The following PPIL6 variants were observed in gnomAD, a reference collection of about 807,000 sequenced individuals.
The protein encoded by PPIL6 is peptidylprolyl isomerase like 6.
Under a neutral mutation model 36.8 loss-of-function variants are expected in PPIL6, and 39 were observed. The observed-to-expected ratio is 1.06, with a 90% CI of 0.82 to 1.38. PPIL6 has a LOEUF of 1.38. PPIL6 is among the 40% of genes most tolerant of loss of function. The pLI, the probability that PPIL6 is intolerant of heterozygous loss-of-function variation, is 0.00. For synonymous variants in PPIL6, 123 were observed against 134.1 expected, an observed-to-expected ratio of 0.92 and a Z score of 0.57; for missense variants, 368 against 379.1, an observed-to-expected ratio of 0.97 and a Z score of 0.24.
At chr6:109,421,797 G>C (rs1050086741) in intron 5 of PPIL6, among the ~76,000 whole-genome samples, 13 of 152,108 alleles carry the variant, frequency 8.5e-5, no homozygotes, top group Admixed American at 8.5e-4. Flanking sequence ...CCAGCACTTT[G>C]GGAGGCCGAG....
At chr6:109,422,520 G>T (rs1356210194) in intron 5 of PPIL6, among the ~76,000 whole-genome samples, 1 of 152,078 alleles carries the variant, frequency 6.6e-6, no homozygotes, top group African/African-American at 2.4e-5. Flanking sequence ...AGTCCAGGAG[G>T]TTGAGGCTGC....
chr6:109,421,945 C>T (rs745926087), intron 5 of PPIL6, among the ~76,000 whole-genome samples: 10 of 152,116 alleles, frequency 6.6e-5, no homozygotes, highest in Non-Finnish European at 1.0e-4. Context: ...GGCATCATCT[C>T]GGCTCACTGC....
chr6:109,432,467 C>A, intron 2 of PPIL6, among the ~76,000 whole-genome samples: 1 of 152,084 alleles, frequency 6.6e-6, no homozygotes, highest in Non-Finnish European at 1.5e-5. Context: ...CCAGGCAAAC[C>A]ATGAATAATT....
intron 2 of PPIL6, 145 bp from the exon 3 acceptor site, chr6:109,431,490 T>A (rs1283983159): frequency 4.1e-6 from 2 of 487,642 alleles, no homozygotes; most frequent in Non-Finnish European, 6.8e-6. Flanking sequence ...GTTTTTATCG[T>A]CCTTCAGAAT....
intron 5 of PPIL6, among the ~76,000 whole-genome samples, chr6:109,421,625 G>T (rs1454953896): frequency 6.6e-6 from 1 of 152,170 alleles, no homozygotes; most frequent in Non-Finnish European, 1.5e-5. Flanking sequence ...TATCTCAAAA[G>T]ATCCTTCTGA....
chr6:109,429,942 C>A (rs1774041626), intron 3 of PPIL6, among the ~76,000 whole-genome samples: 1 of 152,236 alleles, frequency 6.6e-6, no homozygotes, highest in Non-Finnish European at 1.5e-5. Context: ...TCTTTCCCCA[C>A]AAATTCTGGC....
intron 1 of PPIL6, among the ~76,000 whole-genome samples, chr6:109,437,053 G>A (rs942353802): frequency 3.3e-5 from 5 of 152,208 alleles, no homozygotes; most frequent in African/African-American, 9.6e-5. Context: ...AGAGAAGTAC[G>A]AAATCAGTTT....
At chr6:109,435,206 CA>C (rs764424176) in intron 2 of PPIL6, among the ~76,000 whole-genome samples, 48 of 151,994 alleles carry the variant, frequency 3.2e-4, no homozygotes, top group Non-Finnish European at 1.6e-4. Flanking sequence ...TGCAGGGAGA[CA>C]GGGTAACTAA....
At chr6:109,430,619 G>A (rs547588962) in intron 3 of PPIL6, among the ~76,000 whole-genome samples, 10 of 152,238 alleles carry the variant, frequency 6.6e-5, no homozygotes, top group East Asian at 1.9e-4. Flanking sequence ...TAGAGATGAC[G>A]TTTCACCGTG....
chr6:109,409,226 C>T (rs1049905757), intron 6 of PPIL6, among the ~76,000 whole-genome samples: 1 of 152,118 alleles, frequency 6.6e-6, no homozygotes, highest in Non-Finnish European at 1.5e-5. Context: ...GTAGCTAGAG[C>T]AACCAGACAA....
Position 109,397,419 on chromosome 6 carries a change from A to G in PPIL6, c.824+2616T>C, listed in dbSNP as rs548574964. On this transcript the variant is annotated intron_variant, in intron 7 of 7. Coordinates refer to ENST00000521072, the MANE Select transcript of PPIL6 (RefSeq NM_173672.5). ...AGGGTGTTTTCTTACCCATCTCCCA[A>G]TGCACCCTGTACACAGTTTGCATGG... Among the ~76,000 whole-genome samples, 5 of 152,216 alleles carry G rather than the reference A, an allele frequency of 3.3e-5. No homozygotes were observed. In the South Asian group the frequency reaches 1.0e-3, roughly 32 times the overall value.
At chr6:109,439,056 C>T (rs72937214) in intron 1 of PPIL6, among the ~76,000 whole-genome samples, 2,324 of 152,202 alleles carry the variant, frequency 0.015, 29 homozygotes, top group Non-Finnish European at 0.022. Context: ...TGACTGAGAC[C>T]CTATTGCCAA....
At chr6:109,440,707 G>A, upstream of PPIL6, 2 of 768,514 alleles carry the variant, frequency 2.6e-6, no homozygotes, top group Non-Finnish European at 3.4e-6. Context: ...AGGGCGGCCC[G>A]TGGCGGCTGG....
At chr6:109,437,028 T>C (rs1432554657) in intron 1 of PPIL6, among the ~76,000 whole-genome samples, 2 of 152,250 alleles carry the variant, frequency 1.3e-5, no homozygotes, top group Non-Finnish European at 2.9e-5. Flanking sequence ...GTTGTGGTTA[T>C]ACCCCTTAGG....
At chr6:109,415,587 C>T (rs896801469) in intron 6 of PPIL6, among the ~76,000 whole-genome samples, 6 of 152,148 alleles carry the variant, frequency 3.9e-5, no homozygotes, top group Admixed American at 3.9e-4. Context: ...TCATAAATCC[C>T]GTGAAGTCAA....
At chr6:109,431,868 C>G (rs1774174006) in intron 2 of PPIL6, among the ~76,000 whole-genome samples, 1 of 152,188 alleles carries the variant, frequency 6.6e-6, no homozygotes, top group Non-Finnish European at 1.5e-5. Context: ...CTGATTCATT[C>G]TTTTTTCTTT....
At chr6:109,399,604 T>C (rs541080992) in intron 7 of PPIL6, among the ~76,000 whole-genome samples, 1 of 152,334 alleles carries the variant, frequency 6.6e-6, no homozygotes, top group South Asian at 2.1e-4. Context: ...GGTTTTACCA[T>C]GTTGGGCAGG....
intron 5 of PPIL6, among the ~76,000 whole-genome samples, 154 bp downstream of exon 5, chr6:109,426,681 AAAGAATACAAAT>A (rs1736203462): frequency 6.6e-6 from 1 of 152,322 alleles, no homozygotes; most frequent in African/African-American, 2.4e-5. Flanking sequence ...GGTGTTTTTT[AAAGAATACAAAT>A]ATCTTACTTC....
intron 5 of PPIL6, among the ~76,000 whole-genome samples, chr6:109,425,749 C>CAAAAAA (rs34275471): frequency 1.9e-5 from 2 of 103,670 alleles, no homozygotes; most frequent in Middle Eastern, 5.0e-3. Context: ...GACTCCGTTT[C>CAAAAAA]AAAAAAAAAA....
Sources: allele counts gnomAD v4.1 joint callset (sites outside exome capture counted in the v4.1 genomes callset), GRCh38; gene constraint gnomAD v4.1.1; transcripts MANE v1.5; gene names NCBI Gene and HGNC (gene_info 2026-07-23, HGNC 2026-07-21).